Variants in FHOD3 observed in about 807,000 individuals in gnomAD.
FHOD3 encodes formin homology 2 domain containing 3.
FHOD3 carries 90 observed loss-of-function variants against 173.0 expected under a neutral mutation model. That is an observed-to-expected ratio of 0.52 (90% CI 0.44 to 0.62). FHOD3 has a LOEUF of 0.62. Among genes scored for constraint, FHOD3 ranks in the 20% least tolerant of loss-of-function variants. The pLI, the probability that FHOD3 is intolerant of heterozygous loss-of-function variation, is 0.00. For missense variants in FHOD3, 1,945 were observed against 2,034.7 expected (o/e 0.96, Z 0.85); for synonymous variants, 828 against 823.0 (o/e 1.01, Z -0.10).
intron 10 of FHOD3, among the ~76,000 whole-genome samples, chr18:36,648,141 T>A (rs1168132587): frequency 6.7e-6 from 1 of 150,176 alleles, no homozygotes; most frequent in Non-Finnish European, 1.5e-5. Flanking sequence ...AGGATGCACA[T>A]GCATTAGGAG....
At chr18:36,305,560 C>T (rs2092069932) in intron 1 of FHOD3, among the ~76,000 whole-genome samples, 1 of 152,188 alleles carries the variant, frequency 6.6e-6, no homozygotes, top group African/African-American at 2.4e-5. Flanking sequence ...AGAGCTGTAA[C>T]CAGAGTGTGT....
intron 3 of FHOD3, among the ~76,000 whole-genome samples, chr18:36,415,356 C>T (rs2049580189): frequency 6.6e-6 from 1 of 152,012 alleles, no homozygotes; most frequent in African/African-American, 2.4e-5. Flanking sequence ...GCAAAATTGA[C>T]TTAGGAGGGA....
chr18:36,637,470 G>A (rs2034971144), intron 10 of FHOD3, among the ~76,000 whole-genome samples: 1 of 152,062 alleles, frequency 6.6e-6, no homozygotes, highest in South Asian at 2.1e-4. Flanking sequence ...TGGCCAGGCT[G>A]GTCTTGAACT....
chr18:36,411,802 A>G (rs2049363981), intron 3 of FHOD3, among the ~76,000 whole-genome samples: 1 of 152,224 alleles, frequency 6.6e-6, no homozygotes. Context: ...AACTTATTCC[A>G]GTGCCTTGGC....
chr18:36,334,259 A>G (rs1365748820), intron 1 of FHOD3, among the ~76,000 whole-genome samples: 1 of 152,278 alleles, frequency 6.6e-6, no homozygotes, highest in Non-Finnish European at 1.5e-5. Flanking sequence ...CTTATTCATT[A>G]GGAAAAAAAT....
At chr18:36,650,586 T>C (rs1405740677) in intron 11 of FHOD3, among the ~76,000 whole-genome samples, 1 of 152,194 alleles carries the variant, frequency 6.6e-6, no homozygotes, top group Non-Finnish European at 1.5e-5. Context: ...TTAGAGGTGC[T>C]CTGGGAAGGG....
At chr18:36,578,194 A>G (rs991452654) in intron 6 of FHOD3, among the ~76,000 whole-genome samples, 1 of 152,226 alleles carries the variant, frequency 6.6e-6, no homozygotes, top group Non-Finnish European at 1.5e-5. Context: ...TGGGTAATTT[A>G]TAAAGGAAAG....
chr18:36,563,990 T>A (rs2058177850), intron 5 of FHOD3, among the ~76,000 whole-genome samples: 1 of 152,098 alleles, frequency 6.6e-6, no homozygotes, highest in South Asian at 2.1e-4. Context: ...CAGGGACAGA[T>A]GCCCTAAGTG....
At chr18:36,430,557 A>G (rs1481748233) in intron 3 of FHOD3, among the ~76,000 whole-genome samples, 9 of 152,254 alleles carry the variant, frequency 5.9e-5, no homozygotes, top group African/African-American at 2.2e-4. Context: ...AATTCCTGCA[A>G]GTCTGACAGT....
Position 36,650,207 on chromosome 18 carries a change from C to CTT in FHOD3, c.1286+813_1286+814dup, listed in dbSNP as rs111716620. On this transcript the variant is annotated intron_variant, in intron 11 of 28. Transcript: ENST00000590592. Reference sequence around the variant, plus strand: ...TTGCCACTGCAAATGGACATTTTTACTTTTTTTTTTTTCCTACAAATAAGC... The same window carrying CTT: ...TTGCCACTGCAAATGGACATTTTTACTTTTTTTTTTTTTTCCTACAAATAAGC... Among the ~76,000 whole-genome samples the CTT allele has an allele frequency of 3.0e-3, 442 of 146,190 alleles. 14 individuals are homozygous for CTT. In the South Asian group the frequency reaches 0.054, roughly 18 times the overall value.
chr18:36,718,382 C>CCCCCTT lies in FHOD3; in HGVS notation c.3084_3085insCCCCTT (p.Thr1028_Phe1029insProLeu). On this transcript the variant is annotated inframe_insertion, in exon 19 of 29. Transcript: ENST00000590592. ...GGCCACCTCCCCCACCCCCACCCAC[C>CCCCCTT]TTTCTGGGTTTGCCGCCCCCACCCC... 2.0e-6 allele frequency: 3 copies of CCCCCTT among 1,495,074 alleles called. No individual in the cohort carries two copies. Among genetic ancestry groups the CCCCCTT allele is most frequent in the South Asian group, 1.3e-5 (1 of 75,320 alleles). The allele number at this position is 1,495,074 out of a possible 1,614,324, so 92.6% of individuals were successfully genotyped here. A position where few individuals can be genotyped will look rare whatever the true frequency, so the allele number is the denominator to read the frequency against.
chr18:36,496,370 C>G (rs2054744407), intron 3 of FHOD3, among the ~76,000 whole-genome samples: 1 of 152,148 alleles, frequency 6.6e-6, no homozygotes, highest in African/African-American at 2.4e-5. Flanking sequence ...GAAATTGTAC[C>G]TCATGTAAAA....
rs187547699 is a variant in FHOD3, at chr18:36,659,847, C to G, written c.1835+1659C>G. Among the ~76,000 whole-genome samples, 382 of 152,302 alleles carry G rather than the reference C, an allele frequency of 2.5e-3. 1 individual carries two copies. The highest frequency in any genetic ancestry group is 6.8e-3 in the Middle Eastern group (2 of 294). On this transcript the variant is annotated intron_variant, in intron 14 of 28. Transcript: ENST00000590592. Reference sequence around the variant, plus strand: ...TGCCCGCTTTTCTGCCACTGGAATCCCAGGTCCAGGTTTGGGCTAGAAGAT... The same window carrying G: ...TGCCCGCTTTTCTGCCACTGGAATCGCAGGTCCAGGTTTGGGCTAGAAGAT...
At chr18:36,466,192 T>A (rs900411195) in intron 3 of FHOD3, among the ~76,000 whole-genome samples, 1 of 152,180 alleles carries the variant, frequency 6.6e-6, no homozygotes, top group Non-Finnish European at 1.5e-5. Context: ...TCTCAGGCTA[T>A]CCCGCAGAGA....
intron 2 of FHOD3, among the ~76,000 whole-genome samples, chr18:36,371,722 T>C (rs2047198864): frequency 6.6e-6 from 1 of 152,164 alleles, no homozygotes; most frequent in African/African-American, 2.4e-5. Context: ...CTTGGTGAGA[T>C]CTCTGTTCCC....
intron 3 of FHOD3, among the ~76,000 whole-genome samples, chr18:36,479,877 A>G (rs888592939): frequency 1.3e-5 from 2 of 152,052 alleles, no homozygotes; most frequent in Admixed American, 1.3e-4. Flanking sequence ...AAAAGGGTCC[A>G]CTCTTCCTGC....
At chr18:36,384,470 C>A (rs1212988278) in intron 3 of FHOD3, among the ~76,000 whole-genome samples, 1 of 151,196 alleles carries the variant, frequency 6.6e-6, no homozygotes, top group Non-Finnish European at 1.5e-5. Context: ...ACTTGGGAGG[C>A]CAAAGAAAGA....
intron 3 of FHOD3, among the ~76,000 whole-genome samples, chr18:36,439,225 A>AC (rs2050987274): frequency 6.6e-6 from 1 of 152,076 alleles, no homozygotes; most frequent in Non-Finnish European, 1.5e-5. Flanking sequence ...TCTATCCCCA[A>AC]CCCTATGGTT....
At position 36,681,584 on chromosome 18, in the gene FHOD3, TA is replaced by T. The variant is rs772659898; in HGVS notation, c.1970+16del. ...AAACAAATTCAGGTAAGAAGGATCT[TA>T]AGATTTTTTTTAAATAGTGAGTTAA... On this transcript the variant is annotated intron_variant, in intron 15 of 28. Transcript: ENST00000590592. The T allele has an allele frequency of 1.9e-5, 30 of 1,594,000 alleles. No individual in the cohort carries two copies. The highest frequency in any genetic ancestry group is 2.5e-5 in the Non-Finnish European group (29 of 1,174,108).
Sources: allele counts gnomAD v4.1 joint callset (sites outside exome capture counted in the v4.1 genomes callset), GRCh38; gene constraint gnomAD v4.1.1; transcripts MANE v1.5; gene names NCBI Gene and HGNC (gene_info 2026-07-23, HGNC 2026-07-21).